PDE4D: variants seen among roughly 807,000 people sequenced by gnomAD.
The protein encoded by PDE4D is phosphodiesterase 4D, also known as 3',5'-cyclic-AMP phosphodiesterase 4D.
In PDE4D, 24 loss-of-function variants were observed where a neutral mutation model predicts 87.4. The ratio of observed to expected loss-of-function variants is 0.27; its 90% CI spans 0.20 to 0.39. The LOEUF is 0.39. Among genes scored for constraint, PDE4D ranks in the 10% least tolerant of loss-of-function variants. PDE4D has a pLI of 1.00. For missense variants in PDE4D, 714 were observed against 1,041.0 expected (o/e 0.69, Z 4.32); for synonymous variants, 384 against 383.2 (o/e 1.00, Z -0.02).
intron 3 of PDE4D, among the ~76,000 whole-genome samples, chr5:59,955,121 G>T (rs73761067): frequency 0.039 from 5,980 of 152,186 alleles, 359 homozygotes; most frequent in African/African-American, 0.14. Context: ...ATAAGTAAAA[G>T]AAGAGGTTAT....
chr5:59,839,919 C>T (rs1662849049), intron 1 of PDE4D, among the ~76,000 whole-genome samples: 1 of 151,946 alleles, frequency 6.6e-6, no homozygotes, highest in African/African-American at 2.4e-5. Context: ...TAAGTTTTGT[C>T]CAGACACATT....
intron 1 of PDE4D, among the ~76,000 whole-genome samples, chr5:60,494,481 T>G (rs1749705524): frequency 6.6e-6 from 1 of 152,142 alleles, no homozygotes; most frequent in Admixed American, 6.5e-5. Context: ...GCTGGAGAAT[T>G]TCAGGAAAAC....
Position 60,474,124 on chromosome 5 carries a change from A to G in PDE4D, c.-90+13818T>C, listed in dbSNP as rs1268644928. The stretch of plus-strand genomic sequence containing the variant: ...AGCTGCCATATATATATATATATAT[A>G]TATATATATATATATATATATATAT... On this transcript the variant is annotated intron_variant, in intron 1 of 16. Coordinates refer to the PDE4D transcript ENST00000502484. Among the ~76,000 whole-genome samples the G allele has an allele frequency of 4.7e-4, 45 of 95,230 alleles. 2 individuals are homozygous for G. In the East Asian group the frequency reaches 5.4e-3, roughly 11 times the overall value. The allele number at this position is 95,230 out of a possible 152,430, so 62.5% of individuals were successfully genotyped here. A position where few individuals can be genotyped will look rare whatever the true frequency, so the allele number is the denominator to read the frequency against.
At chr5:59,389,682 G>T (rs930730618) in intron 1 of PDE4D, among the ~76,000 whole-genome samples, 2 of 152,092 alleles carry the variant, frequency 1.3e-5, no homozygotes, top group Non-Finnish European at 2.9e-5. Flanking sequence ...CAATAGCCAA[G>T]ATATGGAATC....
chr5:59,898,852 T>C lies in PDE4D; in HGVS notation c.272+89636A>G, dbSNP rs74395775. 6.7e-3 allele frequency among the ~76,000 whole-genome samples: 1,023 copies of C among 152,132 alleles called. 17 individuals are homozygous for C. Among genetic ancestry groups the C allele is most frequent in the African/African-American group, 0.023 (959 of 41,492 alleles). ...CTTCTGAGTGGAGCAGGTTTTAAAG[T>C]TGATGAGTAGGATGCAAAGAGAGGG... On this transcript the variant is annotated intron_variant, in intron 3 of 16. Coordinates refer to the PDE4D transcript ENST00000502484.
At chr5:59,051,741 T>C (rs1761577476) in intron 5 of PDE4D, among the ~76,000 whole-genome samples, 1 of 152,222 alleles carries the variant, frequency 6.6e-6, no homozygotes, top group Admixed American at 6.5e-5. Context: ...ACACAACAAC[T>C]ATCACCTCTT....
At chr5:60,077,023 ACTGTGGACCCT>A (rs1773372569) in intron 2 of PDE4D, among the ~76,000 whole-genome samples, 1 of 152,078 alleles carries the variant, frequency 6.6e-6, no homozygotes, top group Admixed American at 6.5e-5. Flanking sequence ...TGGACACAAG[ACTGTGGACCCT>A]CTGTGTGTTT....
chr5:59,446,808 T>G (rs544087188), intron 1 of PDE4D, among the ~76,000 whole-genome samples: 1 of 152,360 alleles, frequency 6.6e-6, no homozygotes, highest in African/African-American at 2.4e-5. Context: ...TTCTCTTCGG[T>G]TCATGTGTGT....
chr5:59,834,148 A>G (rs1406882740), intron 1 of PDE4D, among the ~76,000 whole-genome samples: 1 of 152,036 alleles, frequency 6.6e-6, no homozygotes, highest in Non-Finnish European at 1.5e-5. Flanking sequence ...TGTCTAAGCA[A>G]ATACACCCAC....
intron 2 of PDE4D, among the ~76,000 whole-genome samples, chr5:60,108,590 C>G (rs34065204): frequency 6.6e-6 from 1 of 151,922 alleles, no homozygotes; most frequent in African/African-American, 2.4e-5. Context: ...GGAGGCATCA[C>G]GCTACCTGAC....
chr5:60,253,441 C>T (rs1413497794), intron 1 of PDE4D, among the ~76,000 whole-genome samples: 1 of 151,816 alleles, frequency 6.6e-6, no homozygotes, highest in African/African-American at 2.4e-5. Flanking sequence ...GGCCACTTCT[C>T]TTGACTGGCC....
At chr5:60,062,047 A>G (rs1771469233) in intron 2 of PDE4D, among the ~76,000 whole-genome samples, 1 of 152,214 alleles carries the variant, frequency 6.6e-6, no homozygotes, top group African/African-American at 2.4e-5. Flanking sequence ...AATCACAACA[A>G]AAGCTAAAAT....
chr5:60,193,669 CAAAAAAAAAA>C (rs35340734), intron 1 of PDE4D, among the ~76,000 whole-genome samples: 10 of 46,888 alleles, frequency 2.1e-4, no homozygotes, highest in African/African-American at 7.8e-4. Context: ...GACTCCGTCT[CAAAAAAAAAA>C]AAAAAAAAAA....
intron 5 of PDE4D, among the ~76,000 whole-genome samples, chr5:59,073,508 G>GGC (rs199834059): frequency 0.045 from 3,356 of 74,174 alleles, 218 homozygotes; most frequent in African/African-American, 0.18. Flanking sequence ...AGTGGGGGGC[G>GGC]GGGGGGGCGG....
intron 1 of PDE4D, among the ~76,000 whole-genome samples, chr5:59,684,959 T>G (rs1320803215): frequency 6.6e-6 from 1 of 152,220 alleles, no homozygotes; most frequent in Non-Finnish European, 1.5e-5. Context: ...ACTGGCTCCC[T>G]CCTTATATTC....
chr5:59,053,280 C>A (rs1204105422), intron 5 of PDE4D, among the ~76,000 whole-genome samples: 1 of 151,696 alleles, frequency 6.6e-6, no homozygotes, highest in Non-Finnish European at 1.5e-5. Flanking sequence ...CAGCTTTGCA[C>A]TTAAATGACA....
At chr5:60,181,070 G>T (rs1784339318) in intron 2 of PDE4D, among the ~76,000 whole-genome samples, 1 of 152,048 alleles carries the variant, frequency 6.6e-6, no homozygotes, top group East Asian at 1.9e-4. Flanking sequence ...GAGGAAAAAT[G>T]AATGCAGATA....
chr5:59,613,973 A>T (rs1340648957), intron 1 of PDE4D, among the ~76,000 whole-genome samples: 1 of 152,146 alleles, frequency 6.6e-6, no homozygotes, highest in Admixed American at 6.5e-5. Context: ...TTTAAAAAAA[A>T]CTTTTTTCTT....
chr5:60,440,482 C>T (rs1745117669), intron 1 of PDE4D, among the ~76,000 whole-genome samples: 1 of 151,886 alleles, frequency 6.6e-6, no homozygotes, highest in South Asian at 2.1e-4. Flanking sequence ...ATTTCAGAAA[C>T]ATAAACAATC....
Sources: gnomAD v4.1 joint callset for allele counts (sites outside exome capture counted in the v4.1 genomes callset) on GRCh38, gnomAD v4.1.1 for gene constraint, MANE v1.5 for transcripts, NCBI Gene and HGNC (gene_info 2026-07-23, HGNC 2026-07-21) for gene names.